SHFL: variants seen among roughly 807,000 people sequenced by gnomAD.
The protein encoded by SHFL is shiftless antiviral inhibitor of ribosomal frameshifting protein.
SHFL carries 12 observed loss-of-function variants against 34.7 expected under a neutral mutation model. The ratio of observed to expected loss-of-function variants is 0.35; its 90% CI spans 0.22 to 0.56. The LOEUF (loss-of-function observed/expected upper bound fraction) is 0.56, where lower values mean the gene tolerates loss of function less well. Ranked by LOEUF, SHFL falls within the 20% of genes least tolerant of loss-of-function variation. SHFL has a pLI of 0.88. For missense variants in SHFL, 278 were observed against 411.1 expected, an observed-to-expected ratio of 0.68 and a Z score of 2.80; for synonymous variants, 148 against 156.0, an observed-to-expected ratio of 0.95 and a Z score of 0.38.
At position 10,092,460 on chromosome 19, in the gene SHFL, G is replaced by A. The variant is rs2088411877; in HGVS notation, c.*158G>A. On this transcript the variant is annotated 3_prime_UTR_variant, in exon 8 of 8. Transcript: ENST00000253110. ...CTGGGTCCCATTTTCAGCGCCCAGGGTCACAGATCCACAGTGGGAAGTTCT... is the reference window on the plus strand; with the variant it reads ...CTGGGTCCCATTTTCAGCGCCCAGGATCACAGATCCACAGTGGGAAGTTCT... 1 of 1,519,450 alleles carries A rather than the reference G, an allele frequency of 6.6e-7. No homozygotes were observed. The highest frequency in any genetic ancestry group is 2.1e-5 in the Admixed American group (1 of 47,090). The allele number at this position is 1,519,450 out of a possible 1,614,324, so 94.1% of individuals were successfully genotyped here. A position where few individuals can be genotyped will look rare whatever the true frequency, so the allele number is the denominator to read the frequency against.
chr19:10,086,416 G>A lies in SHFL; in HGVS notation c.-12G>A. On this transcript the variant is annotated 5_prime_UTR_variant, in exon 1 of 8. Coordinates refer to ENST00000253110, the MANE Select transcript of SHFL (RefSeq NM_018381.4). This position sits in a 1 kb window ranked among gnomAD's most constrained non-coding sequence, Gnocchi z 5.2. ...AGTGCGGACCCTCGCGGGGAACTGC[G>A]CCGCCGCCACCATGTCTCAGGAAGG... 2 of 1,341,742 alleles carry A rather than the reference G, an allele frequency of 1.5e-6. No individual in the cohort carries two copies. Among genetic ancestry groups the A allele is most frequent in the South Asian group, 2.3e-5 (1 of 43,178 alleles). The allele number at this position is 1,341,742 out of a possible 1,614,324, so 83.1% of individuals were successfully genotyped here.
intron 3 of SHFL, 77 bp downstream of exon 3, chr19:10,087,377 T>G: frequency 6.7e-7 from 1 of 1,498,494 alleles, no homozygotes; most frequent in Non-Finnish European, 9.3e-7. Context: ...CCGTTCATGG[T>G]GACTGACCCC....
chr19:10,092,352 GT>G lies in SHFL; in HGVS notation c.*52del. ...CAGACACGGTCTGTGGCTACTTTGTGTTATTATAAGATATGAGCTCAAACCG... is the reference window on the plus strand; with the variant it reads ...CAGACACGGTCTGTGGCTACTTTGTGTATTATAAGATATGAGCTCAAACCG... On this transcript the variant is annotated 3_prime_UTR_variant, in exon 8 of 8. Coordinates refer to ENST00000253110, the MANE Select transcript of SHFL (RefSeq NM_018381.4). The G allele has an allele frequency of 1.3e-6, 2 of 1,545,400 alleles. No homozygotes were observed. Among genetic ancestry groups the G allele is most frequent in the Non-Finnish European group, 1.7e-6 (2 of 1,146,744 alleles).
rs771458344 is a variant in SHFL, at chr19:10,087,320, C to T, written c.195+20C>T. The T allele has an allele frequency of 3.7e-6, 6 of 1,613,978 alleles. No individual in the cohort carries two copies. The highest frequency in any genetic ancestry group is 5.1e-6 in the Non-Finnish European group (6 of 1,179,838). ...GCCCAGGTAACCTATCCCCTCCCCT[C>T]GCAAAGGACCGGGTCACGGGAGGGA... On this transcript the variant is annotated intron_variant, in intron 3 of 7. Coordinates refer to ENST00000253110, the MANE Select transcript of SHFL (RefSeq NM_018381.4).
In SHFL at chr19:10,092,800, C is replaced by T. The variant is rs200075423; in HGVS notation, c.*498C>T. The T allele has an allele frequency of 1.5e-5, 23 of 1,566,866 alleles. No individual in the cohort carries two copies. The highest frequency in any genetic ancestry group is 1.7e-5 in the Non-Finnish European group (19 of 1,149,286). ...GTTACCTGAGGGGAGAGAGAGAGTCCATGTCCTCTCACCAGAATAAAAGCC... is the reference window on the plus strand; with the variant it reads ...GTTACCTGAGGGGAGAGAGAGAGTCTATGTCCTCTCACCAGAATAAAAGCC... On this transcript the variant is annotated 3_prime_UTR_variant, in exon 8 of 8. Coordinates refer to ENST00000253110, the MANE Select transcript of SHFL (RefSeq NM_018381.4).
In SHFL at chr19:10,092,428, G is replaced by C; in HGVS notation, c.*126G>C. 6.6e-7 allele frequency: 1 copy of C among 1,516,184 alleles called. No homozygotes were observed. The highest frequency in any genetic ancestry group is 8.8e-7 in the Non-Finnish European group (1 of 1,131,338). 93.9% of individuals were successfully genotyped at this position (1,516,184 alleles called of 1,614,324 possible). A position where few individuals can be genotyped will look rare whatever the true frequency, so the allele number is the denominator to read the frequency against. On this transcript the variant is annotated 3_prime_UTR_variant, in exon 8 of 8. Coordinates refer to ENST00000253110, the MANE Select transcript of SHFL (RefSeq NM_018381.4). ...ATCTGAGGCCAAGATATTGACGGGG[G>C]GGATTCCTGGGTCCCATTTTCAGCG...
chr19:10,090,160 C>T, intron 5 of SHFL, 113 bp downstream of exon 5: 1 of 1,206,258 alleles, frequency 8.3e-7, no homozygotes, highest in Non-Finnish European at 1.2e-6. Context: ...GAGTCCAATC[C>T]CTGACCTCCA....
intron 5 of SHFL, 22 bp downstream of exon 5, chr19:10,090,069 T>A: frequency 6.3e-7 from 1 of 1,590,284 alleles, no homozygotes; most frequent in Non-Finnish European, 8.6e-7. Flanking sequence ...AAACTTAACC[T>A]CGACTTTGAC....
chr19:10,091,658 G>A lies in SHFL; in HGVS notation c.643+28G>A, dbSNP rs1454165427. The A allele has an allele frequency of 6.5e-7, 1 of 1,529,802 alleles. No individual in the cohort carries two copies. Among genetic ancestry groups the A allele is most frequent in the Admixed American group, 2.0e-5 (1 of 49,166 alleles). 94.8% of individuals were successfully genotyped at this position (1,529,802 alleles called of 1,614,324 possible). A position where few individuals can be genotyped will look rare whatever the true frequency, so the allele number is the denominator to read the frequency against. On this transcript the variant is annotated intron_variant, in intron 7 of 7. Transcript: ENST00000253110. The surrounding 1 kb of genome is among the most constrained non-coding windows in gnomAD (Gnocchi z 8.2). Reference sequence around the variant, plus strand: ...GAGGCTCTTCTCCCCCAACAGCCTGGACAGTCTTTGTCCCCTTCTGTGCCT... The same window carrying A: ...GAGGCTCTTCTCCCCCAACAGCCTGAACAGTCTTTGTCCCCTTCTGTGCCT...
intron 3 of SHFL, chr19:10,089,311 G>A (rs1280637513): frequency 1.9e-6 from 3 of 1,598,340 alleles, no homozygotes; most frequent in Non-Finnish European, 2.5e-6. Flanking sequence ...ACTTAGCCGA[G>A]CACAACGTGG....
rs2088288148 is a variant in SHFL at position 10,086,589 on chromosome 19, C to A, written c.21+141C>A. 7.0e-6 allele frequency: 6 copies of A among 862,412 alleles called. No individual in the cohort carries two copies. The highest frequency in any genetic ancestry group is 9.7e-6 in the Non-Finnish European group (6 of 618,020). The allele number at this position is 862,412 out of a possible 1,614,324, so 53.4% of individuals were successfully genotyped here. On this transcript the variant is annotated intron_variant, in intron 1 of 7. Coordinates refer to ENST00000253110, the MANE Select transcript of SHFL (RefSeq NM_018381.4). This position sits in a 1 kb window ranked among gnomAD's most constrained non-coding sequence, Gnocchi z 5.2. ...CTTACCCCTGCCTGGCGCTCGCCCC[C>A]CTTGAAAAGGAAAGTGACTCCCACG...
Position 10,092,868 on chromosome 19 carries a change from C to T in SHFL, c.*566C>T, listed in dbSNP as rs1339256750. 13 of 1,110,268 alleles carry T rather than the reference C, an allele frequency of 1.2e-5. No individual in the cohort carries two copies. Among genetic ancestry groups the T allele is most frequent in the African/African-American group, 1.6e-5 (1 of 62,826 alleles). 68.8% of individuals were successfully genotyped at this position (1,110,268 alleles called of 1,614,324 possible). On this transcript the variant is annotated 3_prime_UTR_variant, in exon 8 of 8. Transcript: ENST00000253110. ...GTGCAAGGCTTTTGCCAGGCATCCCCTGGCCCCTCCCATTCTTATTGAATA... is the reference window on the plus strand; with the variant it reads ...GTGCAAGGCTTTTGCCAGGCATCCCTTGGCCCCTCCCATTCTTATTGAATA...
Position 10,086,848 on chromosome 19 carries a change from C to G in SHFL, c.22-81C>G. On this transcript the variant is annotated intron_variant, in intron 1 of 7. Transcript: ENST00000253110. The surrounding 1 kb of genome is among the most constrained non-coding windows in gnomAD (Gnocchi z 5.2). The stretch of plus-strand genomic sequence containing the variant: ...CCAAAACCAAGGGTCAAGTTCGGGC[C>G]GGGAGAACGGTGCCTAGAGATGGGG... 6.5e-7 allele frequency: 1 copy of G among 1,528,164 alleles called. No individual in the cohort carries two copies. The highest frequency in any genetic ancestry group is 1.2e-5 in the South Asian group (1 of 83,312). The allele number at this position is 1,528,164 out of a possible 1,614,324, so 94.7% of individuals were successfully genotyped here. A position where few individuals can be genotyped will look rare whatever the true frequency, so the allele number is the denominator to read the frequency against.
At chr19:10,090,311 A>C in intron 5 of SHFL, 3 of 465,892 alleles carry the variant, frequency 6.4e-6, no homozygotes, top group Non-Finnish European at 7.8e-6. Flanking sequence ...ACAGAAATCA[A>C]ACCTGGCCAG....
chr19:10,092,343 C>T lies in SHFL; in HGVS notation c.*41C>T, dbSNP rs1285031054. The T allele has an allele frequency of 6.5e-7, 1 of 1,549,306 alleles. No individual in the cohort carries two copies. The highest frequency in any genetic ancestry group is 2.4e-5 in the East Asian group (1 of 41,056). On this transcript the variant is annotated 3_prime_UTR_variant, in exon 8 of 8. Transcript: ENST00000253110. ...GATACAAACCAGACACGGTCTGTGGCTACTTTGTGTTATTATAAGATATGA... is the reference window on the plus strand; with the variant it reads ...GATACAAACCAGACACGGTCTGTGGTTACTTTGTGTTATTATAAGATATGA...
At position 10,091,448 on chromosome 19, in the gene SHFL, G is replaced by A. The variant is rs370225750; in HGVS notation, c.489-28G>A. 2.4e-5 allele frequency: 32 copies of A among 1,335,944 alleles called. No individual in the cohort carries two copies. Among genetic ancestry groups the A allele is most frequent in the African/African-American group, 5.1e-5 (3 of 59,296 alleles). The allele number at this position is 1,335,944 out of a possible 1,614,324, so 82.8% of individuals were successfully genotyped here. ...CCCACCCTGGCCCAGCCTCGCCCTC[G>A]GACCCTCACAGCCCTGCCCGCCCCC... On this transcript the variant is annotated intron_variant, in intron 6 of 7. Transcript: ENST00000253110. The surrounding 1 kb of genome is among the most constrained non-coding windows in gnomAD (Gnocchi z 8.2).
In SHFL at chr19:10,091,380, C is replaced by A. The variant is rs766062320; in HGVS notation, c.488+27C>A. 2.5e-6 allele frequency: 4 copies of A among 1,605,838 alleles called. No homozygotes were observed. Among genetic ancestry groups the A allele is most frequent in the Non-Finnish European group, 3.4e-6 (4 of 1,175,106 alleles). ...TGAGGGCGCTGACCCCCAGCTCCCC[C>A]TCAGCCCTGCCCTACCCCAGCCCTG... is the stretch of plus-strand genomic sequence containing the variant. On this transcript the variant is annotated intron_variant, in intron 6 of 7. Coordinates refer to ENST00000253110, the MANE Select transcript of SHFL (RefSeq NM_018381.4). The surrounding 1 kb of genome is among the most constrained non-coding windows in gnomAD (Gnocchi z 8.2).
intron 3 of SHFL, chr19:10,088,975 ATAATAATAATAATAATAT>A (rs1240915400): frequency 6.7e-6 from 1 of 149,244 alleles, no homozygotes; most frequent in African/African-American, 2.5e-5. Flanking sequence ...AATAATAATA[ATAATAATAATAATAATAT>A]TAGCAGAGAG....
rs374119949 is a variant in SHFL at position 10,091,500 on chromosome 19, G to C, written c.513G>C (p.Pro171=). 2.0e-4 allele frequency: 293 copies of C among 1,480,290 alleles called. No individual in the cohort carries two copies. Among genetic ancestry groups the C allele is most frequent in the Non-Finnish European group, 2.5e-4 (279 of 1,103,954 alleles). 91.7% of individuals were successfully genotyped at this position (1,480,290 alleles called of 1,614,324 possible). A position where few individuals can be genotyped will look rare whatever the true frequency, so the allele number is the denominator to read the frequency against. Residue 171 remains proline (P), a synonymous_variant, in exon 7 of 8, where the codon CCG becomes CCC. Transcript: ENST00000253110. The surrounding 1 kb of genome is among the most constrained non-coding windows in gnomAD (Gnocchi z 8.2). ...NFRGWAQMGS[P]SPCYGCGFPV... is the part of the protein sequence containing the mutation. Reference sequence around the variant, plus strand: ...GGGGCTGGGCACAGATGGGGTCCCCGTCCCCCTGCTACGGGTGCGGCTTCC... The same window carrying C: ...GGGGCTGGGCACAGATGGGGTCCCCCTCCCCCTGCTACGGGTGCGGCTTCC...
Sources: allele counts gnomAD v4.1 joint callset, GRCh38; gene constraint gnomAD v4.1.1; non-coding constraint Gnocchi (gnomAD v3.1); transcripts MANE v1.5; gene names NCBI Gene and HGNC (gene_info 2026-07-23, HGNC 2026-07-21).